GAS7: variants seen among roughly 807,000 people sequenced by gnomAD.
The protein encoded by GAS7 is growth arrest specific 7.
In GAS7, 28 loss-of-function variants were observed where a neutral mutation model predicts 71.1. The ratio of observed to expected loss-of-function variants is 0.39; its 90% CI spans 0.29 to 0.54. The LOEUF (loss-of-function observed/expected upper bound fraction) is 0.54, where lower values mean the gene tolerates loss of function less well. GAS7 is among the 20% of genes least tolerant of loss of function. GAS7 has a pLI of 0.62. For synonymous variants in GAS7, 258 were observed against 245.8 expected, an observed-to-expected ratio of 1.05 and a Z score of -0.46; for missense variants, 436 against 627.8, an observed-to-expected ratio of 0.69 and a Z score of 3.27.
intron 2 of GAS7, among the ~76,000 whole-genome samples, chr17:10,005,116 TGCACGCATACCAGCATGTGTGCGC>T (rs1567879527): frequency 7.7e-6 from 1 of 129,198 alleles, no homozygotes; most frequent in Non-Finnish European, 1.6e-5. Flanking sequence ...TGTGTGCGTG[TGCACGCATACCAGCATGTGTGCGC>T]GCACGCATGC....
intron 1 of GAS7, among the ~76,000 whole-genome samples, chr17:10,042,752 C>G (rs2072890943): frequency 6.6e-6 from 1 of 151,266 alleles, no homozygotes; most frequent in Non-Finnish European, 1.5e-5. Flanking sequence ...ACTTGCCTCA[C>G]AGCAGGGATA....
At position 9,955,267 on chromosome 17, in the gene GAS7, T is replaced by C. The variant is rs535572470; in HGVS notation, c.525+3935A>G. Among the ~76,000 whole-genome samples, 823 of 152,134 alleles carry C rather than the reference T, an allele frequency of 5.4e-3. 7 individuals carry two copies. Among genetic ancestry groups the C allele is most frequent in the African/African-American group, 0.018 (760 of 41,484 alleles). On this transcript the variant is annotated intron_variant, in intron 5 of 13. Transcript: ENST00000432992. ...ACTTTCCGCATGTGGATTCCTGTCC[T>C]CCCCCCGGTTACATTTTCCTGATGG... is the stretch of plus-strand genomic sequence containing the variant.
chr17:9,960,333 G>A (rs2069431589), intron 4 of GAS7, among the ~76,000 whole-genome samples: 1 of 152,094 alleles, frequency 6.6e-6, no homozygotes, highest in African/African-American at 2.4e-5. Context: ...GGGATTACAG[G>A]TGCCCGCCAG....
At chr17:10,063,368 C>T (rs2073241607) in intron 1 of GAS7, among the ~76,000 whole-genome samples, 1 of 152,210 alleles carries the variant, frequency 6.6e-6, no homozygotes, top group Non-Finnish European at 1.5e-5. Flanking sequence ...AGGACCCCTT[C>T]CATCCTGCTC....
chr17:9,967,553 T>C (rs988770047), intron 4 of GAS7, among the ~76,000 whole-genome samples: 10 of 121,180 alleles, frequency 8.3e-5, no homozygotes, highest in African/African-American at 3.2e-4. Context: ...TTCCTAAGTA[T>C]AGATAAGTAT....
At chr17:10,098,910 C>T (rs1471819246) in intron 1 of GAS7, among the ~76,000 whole-genome samples, 2 of 152,100 alleles carry the variant, frequency 1.3e-5, no homozygotes, top group African/African-American at 2.4e-5. Flanking sequence ...GAGCCAAGAT[C>T]GTGCCACTGC....
At chr17:10,038,727 T>C (rs985701408) in intron 1 of GAS7, among the ~76,000 whole-genome samples, 1 of 143,454 alleles carries the variant, frequency 7.0e-6, no homozygotes, top group Non-Finnish European at 1.5e-5. Flanking sequence ...TGAGACGAAG[T>C]CTTGCTCTGT....
chr17:10,191,623 T>A (rs1005705467), intron 1 of GAS7, among the ~76,000 whole-genome samples: 1 of 146,056 alleles, frequency 6.8e-6, no homozygotes, highest in East Asian at 2.1e-4. Flanking sequence ...ACGCCTGTAA[T>A]CCCAGCACTT....
At chr17:10,141,712 G>A (rs190059902) in intron 1 of GAS7, among the ~76,000 whole-genome samples, 2 of 152,128 alleles carry the variant, frequency 1.3e-5, no homozygotes, top group East Asian at 3.9e-4. Flanking sequence ...GGCAAGTTCT[G>A]GTACCTCTCT....
chr17:10,038,061 A>G (rs976940006), intron 1 of GAS7, among the ~76,000 whole-genome samples: 3 of 152,150 alleles, frequency 2.0e-5, no homozygotes, highest in African/African-American at 7.2e-5. Flanking sequence ...TTCTTAAAAA[A>G]AAAAAACCAG....
Position 10,140,432 on chromosome 17 carries a change from C to T in GAS7, c.183+57776G>A, listed in dbSNP as rs187078097. 2.3e-3 allele frequency among the ~76,000 whole-genome samples: 354 copies of T among 152,174 alleles called. 3 individuals carry two copies. The highest frequency in any genetic ancestry group is 2.8e-3 in the Non-Finnish European group (190 of 68,004). ...GCCGTGACTGCCACTGCACTCCAGC[C>T]TGGGTGACAGGGCGAGACCCTGTCT... On this transcript the variant is annotated intron_variant, in intron 1 of 13. Transcript: ENST00000432992.
At chr17:9,962,953 G>A (rs888577710) in intron 4 of GAS7, among the ~76,000 whole-genome samples, 25 of 150,110 alleles carry the variant, frequency 1.7e-4, no homozygotes, top group African/African-American at 5.2e-4. Flanking sequence ...CTGAACCTAC[G>A]CATAAGAGAA....
rs146462491 is a variant in GAS7, at chr17:9,969,271, C to A, written c.471+406G>T. Among the ~76,000 whole-genome samples the A allele has an allele frequency of 3.9e-5, 6 of 152,350 alleles. No homozygotes were observed. Among genetic ancestry groups the A allele is most frequent in the East Asian group, 1.9e-4 (1 of 5,192 alleles). On this transcript the variant is annotated intron_variant, in intron 4 of 13. Coordinates refer to ENST00000432992, the MANE Select transcript of GAS7 (RefSeq NM_201433.2). The surrounding 1 kb of genome is among the most constrained non-coding windows in gnomAD (Gnocchi z 5.5). ...ATGCTACTTTATCAAATGAGATGAT[C>A]AAATTTTACTAAATTCCATTCTGGG...
chr17:10,010,101 C>G (rs1466475110), intron 2 of GAS7, among the ~76,000 whole-genome samples: 2 of 151,992 alleles, frequency 1.3e-5, no homozygotes, highest in African/African-American at 4.8e-5. Flanking sequence ...CTTTACCATG[C>G]AGGGACTTCA....
At chr17:9,935,152 G>A (rs1445339507) in intron 8 of GAS7, among the ~76,000 whole-genome samples, 1 of 152,182 alleles carries the variant, frequency 6.6e-6, no homozygotes, top group African/African-American at 2.4e-5. Flanking sequence ...TGGGTCTAGT[G>A]ACCTAGATGC....
intron 4 of GAS7, among the ~76,000 whole-genome samples, chr17:9,966,436 C>G (rs949752482): frequency 6.6e-6 from 1 of 152,150 alleles, no homozygotes; most frequent in African/African-American, 2.4e-5. Flanking sequence ...CCTGAACATG[C>G]CACTTTATCC....
chr17:9,910,745 G>A lies in GAS7; in HGVS notation c.*6483C>T, dbSNP rs116376126. 4.1e-3 allele frequency: 896 copies of A among 221,134 alleles called. 6 individuals carry two copies. The highest frequency in any genetic ancestry group is 0.019 in the African/African-American group (838 of 44,714). 13.7% of individuals were successfully genotyped at this position (221,134 alleles called of 1,614,324 possible). ...GTAACAGGGGTCAGGGGGGTGGTGCGGGGGCAGGTGGGTTACAGCCTCCAC... is the reference window on the plus strand; with the variant it reads ...GTAACAGGGGTCAGGGGGGTGGTGCAGGGGCAGGTGGGTTACAGCCTCCAC... On this transcript the variant is annotated 3_prime_UTR_variant, in exon 14 of 14. Coordinates refer to ENST00000432992, the MANE Select transcript of GAS7 (RefSeq NM_201433.2).
At chr17:10,113,964 G>T (rs985978294) in intron 1 of GAS7, among the ~76,000 whole-genome samples, 4 of 152,050 alleles carry the variant, frequency 2.6e-5, no homozygotes, top group Non-Finnish European at 4.4e-5. Context: ...GCCCAGGCTG[G>T]AGTGCAGTGG....
chr17:10,183,621 C>T (rs1233318567), intron 1 of GAS7, among the ~76,000 whole-genome samples: 2 of 152,230 alleles, frequency 1.3e-5, no homozygotes, highest in South Asian at 2.1e-4. Flanking sequence ...GGGCGGATCA[C>T]GAGGTCAGGA....
Sources: allele counts gnomAD v4.1 joint callset (sites outside exome capture counted in the v4.1 genomes callset), GRCh38; gene constraint gnomAD v4.1.1; non-coding constraint Gnocchi (gnomAD v3.1); transcripts MANE v1.5; gene names NCBI Gene and HGNC (gene_info 2026-07-23, HGNC 2026-07-21).